Variants in NUP62CL observed in about 807,000 individuals in gnomAD.
NUP62CL encodes the protein nucleoporin-62 C-terminal-like protein.
In NUP62CL, 13 loss-of-function variants were observed where a neutral mutation model predicts 15.3. That is an observed-to-expected ratio of 0.85 (90% CI 0.55 to 1.35). The LOEUF is 1.35. Ranked by LOEUF, NUP62CL falls within the 40% of genes most tolerant of loss-of-function variation. The probability of loss-of-function intolerance (pLI) is 0.00; values close to 1 mark genes in which losing one functional copy is unlikely to be tolerated. For synonymous variants in NUP62CL, 54 were observed against 49.2 expected, an observed-to-expected ratio of 1.10 and a Z score of -0.41; for missense variants, 123 against 130.6, an observed-to-expected ratio of 0.94 and a Z score of 0.28.
intron 7 of NUP62CL, among the ~76,000 whole-genome samples, chrX:107,151,627 G>A (rs1926013032): frequency 1.8e-5 from 2 of 110,692 alleles, no homozygotes; most frequent in African/African-American, 3.3e-5. Context: ...GATTGAAAGA[G>A]TCAATTAGAT....
intron 4 of NUP62CL, among the ~76,000 whole-genome samples, chrX:107,156,222 C>G (rs2147800767): frequency 8.9e-6 from 1 of 111,892 alleles, no homozygotes; most frequent in Non-Finnish European, 1.9e-5. Context: ...CGCCATTGCC[C>G]AGGCTTGATT....
At chrX:107,180,498 T>C (rs1172905621) in intron 2 of NUP62CL, among the ~76,000 whole-genome samples, 3 of 112,174 alleles carry the variant, frequency 2.7e-5, no homozygotes, top group Admixed American at 1.9e-4. Context: ...ACTGAAGTTC[T>C]CTATGTACTG....
chrX:107,147,070 G>A (rs1230018321), intron 8 of NUP62CL, among the ~76,000 whole-genome samples: 1 of 111,703 alleles, frequency 9.0e-6, no homozygotes, highest in Non-Finnish European at 1.9e-5. Context: ...AAATAGAAAA[G>A]AAGAGGAAAA....
intron 1 of NUP62CL, among the ~76,000 whole-genome samples, chrX:107,204,426 C>G (rs1031977277): frequency 9.0e-6 from 1 of 111,113 alleles, no homozygotes; most frequent in Admixed American, 9.7e-5. Context: ...TCCCCCACCC[C>G]GCTACTTCCT....
At chrX:107,157,682 A>C (rs1266358862) in intron 4 of NUP62CL, among the ~76,000 whole-genome samples, 1 of 109,128 alleles carries the variant, frequency 9.2e-6, no homozygotes, top group Non-Finnish European at 1.9e-5. Flanking sequence ...TCATGCCAAA[A>C]TGTAAAGACC....
chrX:107,169,426 G>GGTAA (rs1009113368), intron 3 of NUP62CL, among the ~76,000 whole-genome samples: 7 of 112,478 alleles, frequency 6.2e-5, no homozygotes, highest in African/African-American at 2.3e-4. Context: ...ATTTCCTTAA[G>GGTAA]GTAACAGTGT....
At position 107,123,716 on chromosome X, in the gene NUP62CL, C is replaced by T. The variant is rs1482135914; in HGVS notation, c.*659G>A. ...TTCCTTGAAACTTACCTTTCCTTAA[C>T]CCTTTAATAATAATCTACCCTAACT... On this transcript the variant is annotated 3_prime_UTR_variant, in exon 9 of 9. Transcript: ENST00000372466. The T allele has an allele frequency of 8.9e-6, 1 of 111,838 alleles. No individual in the cohort carries two copies. The highest frequency in any genetic ancestry group is 1.9e-5 in the Non-Finnish European group (1 of 53,151). The allele number at this position is 111,838 out of a possible 1,213,427, so 9.2% of individuals were successfully genotyped here. A position where few individuals can be genotyped will look rare whatever the true frequency, so the allele number is the denominator to read the frequency against.
chrX:107,152,099 G>GA (rs1926041476), intron 7 of NUP62CL, among the ~76,000 whole-genome samples: 3 of 38,850 alleles, frequency 7.7e-5, no homozygotes, highest in African/African-American at 4.8e-4. Flanking sequence ...TATATATTCA[G>GA]ATATATATAT....
intron 3 of NUP62CL, among the ~76,000 whole-genome samples, chrX:107,171,986 G>A (rs1418993164): frequency 4.6e-5 from 5 of 109,618 alleles, no homozygotes; most frequent in Non-Finnish European, 3.8e-5. Flanking sequence ...TGGCCAGTTA[G>A]TCTACTAAAC....
intron 3 of NUP62CL, among the ~76,000 whole-genome samples, chrX:107,174,012 ATTTTC>A (rs1340488528): frequency 7.8e-4 from 81 of 104,415 alleles, no homozygotes; most frequent in Admixed American, 3.0e-3. Flanking sequence ...AAAATTCAGT[ATTTTC>A]TTTTCTTTTT....
At position 107,152,059 on chromosome X, in the gene NUP62CL, T is replaced by TATATATATATATTCAG. The variant is rs1569356983; in HGVS notation, c.530+1112_530+1113insCTGAATATATATATAT. 5.2e-4 allele frequency among the ~76,000 whole-genome samples: 36 copies of TATATATATATATTCAG among 68,991 alleles called. 2 individuals carry two copies. Among genetic ancestry groups the TATATATATATATTCAG allele is most frequent in the African/African-American group, 2.6e-3 (36 of 13,778 alleles). 59.9% of individuals were successfully genotyped at this position (68,991 alleles called of 115,157 possible). ...ATATATATATATTCAGATATATATA[T>TATATATATATATTCAG]ATATATATATATATATTCAGATATA... On this transcript the variant is annotated intron_variant, in intron 7 of 8. Coordinates refer to ENST00000372466, the MANE Select transcript of NUP62CL (RefSeq NM_017681.3).
chrX:107,179,111 G>A (rs1926854151), intron 2 of NUP62CL, among the ~76,000 whole-genome samples: 1 of 108,269 alleles, frequency 9.2e-6, no homozygotes, highest in East Asian at 2.9e-4. Context: ...AAAAAGAAAA[G>A]AAAAGAAATA....
chrX:107,198,840 T>A (rs1021061901), intron 1 of NUP62CL, among the ~76,000 whole-genome samples: 5 of 112,348 alleles, frequency 4.5e-5, no homozygotes, highest in Non-Finnish European at 7.5e-5. Context: ...ATTCTTGAAG[T>A]CAGCGAGACC....
At chrX:107,175,613 A>G (rs1291446986) in intron 2 of NUP62CL, among the ~76,000 whole-genome samples, 1 of 111,847 alleles carries the variant, frequency 8.9e-6, no homozygotes, top group East Asian at 2.8e-4. Flanking sequence ...AGAAACATTT[A>G]TTCAAGAAAA....
intron 8 of NUP62CL, among the ~76,000 whole-genome samples, chrX:107,127,702 A>C (rs1682065): frequency 0.053 from 5,918 of 111,378 alleles, 405 homozygotes; most frequent in African/African-American, 0.18. Flanking sequence ...ATTCACTGTC[A>C]AAGAACACAA....
At chrX:107,167,835 T>A (rs780030553) in intron 3 of NUP62CL, 51 bp from the exon 4 acceptor site, 1 of 1,104,424 alleles carries the variant, frequency 9.1e-7, no homozygotes, top group Non-Finnish European at 1.2e-6. Flanking sequence ...TTTGTTTCAT[T>A]TAAGCCTTGA....
At chrX:107,129,417 A>C (rs1925460533) in intron 8 of NUP62CL, among the ~76,000 whole-genome samples, 2 of 111,986 alleles carry the variant, frequency 1.8e-5, no homozygotes, top group South Asian at 7.5e-4. Flanking sequence ...GGCAGAGCAG[A>C]GGGCAAGTAT....
At chrX:107,192,864 G>A (rs192437075) in intron 2 of NUP62CL, among the ~76,000 whole-genome samples, 165 bp downstream of exon 2, 3 of 112,095 alleles carry the variant, frequency 2.7e-5, no homozygotes, top group Non-Finnish European at 3.8e-5. Flanking sequence ...TGTAGTCTGT[G>A]TAGCTGGAGC....
intron 2 of NUP62CL, among the ~76,000 whole-genome samples, chrX:107,181,077 CA>C (rs1245636346): frequency 1.9e-5 from 2 of 107,249 alleles, no homozygotes; most frequent in African/African-American, 6.8e-5. Context: ...TCACAACGCC[CA>C]ACTTTTTTTT....
Sources: allele counts gnomAD v4.1 joint callset (sites outside exome capture counted in the v4.1 genomes callset), GRCh38; gene constraint gnomAD v4.1.1; transcripts MANE v1.5; gene names NCBI Gene and HGNC (gene_info 2026-07-23, HGNC 2026-07-21).